SHTN1: variants seen among roughly 807,000 people sequenced by gnomAD.
SHTN1 encodes the protein shootin 1, also known as shootin-1.
In SHTN1, 42 loss-of-function variants were observed where a neutral mutation model predicts 83.1. The ratio of observed to expected loss-of-function variants is 0.51; its 90% CI spans 0.39 to 0.65. The LOEUF (loss-of-function observed/expected upper bound fraction) is 0.65, where lower values mean the gene tolerates loss of function less well. Ranked by LOEUF, SHTN1 falls within the 30% of genes least tolerant of loss-of-function variation. The pLI, the probability that SHTN1 is intolerant of heterozygous loss-of-function variation, is 0.00. For synonymous variants in SHTN1, 224 were observed against 247.7 expected (o/e 0.90, Z 0.90); for missense variants, 622 against 737.8 (o/e 0.84, Z 1.82).
intron 12 of SHTN1, among the ~76,000 whole-genome samples, chr10:116,920,199 T>C (rs567822174): frequency 6.6e-6 from 1 of 151,972 alleles, no homozygotes; most frequent in South Asian, 2.1e-4. Flanking sequence ...GGATGAAGAG[T>C]CTGGAACACA....
At chr10:117,063,614 T>C (rs1852932299) in intron 1 of SHTN1, among the ~76,000 whole-genome samples, 1 of 152,182 alleles carries the variant, frequency 6.6e-6, no homozygotes, top group Non-Finnish European at 1.5e-5. Context: ...CCTATTGCTC[T>C]TGAGAAAAAT....
At chr10:116,964,579 A>G (rs1850322542) in intron 3 of SHTN1, among the ~76,000 whole-genome samples, 1 of 152,226 alleles carries the variant, frequency 6.6e-6, no homozygotes, top group Non-Finnish European at 1.5e-5. Context: ...ACATCACACT[A>G]CTTCAAAAGT....
chr10:116,982,767 T>C (rs939307822), intron 1 of SHTN1, among the ~76,000 whole-genome samples: 2 of 152,100 alleles, frequency 1.3e-5, no homozygotes, highest in African/African-American at 4.8e-5. Flanking sequence ...AAAACCTGCC[T>C]GGCCAACATG....
intron 9 of SHTN1, among the ~76,000 whole-genome samples, chr10:116,937,944 T>C (rs1347861276): frequency 1.3e-5 from 2 of 151,638 alleles, no homozygotes; most frequent in Non-Finnish European, 2.9e-5. Flanking sequence ...TGTCTTCTGC[T>C]TGATCGATTC....
intron 3 of SHTN1, among the ~76,000 whole-genome samples, chr10:116,961,119 TA>T (rs1186344838): frequency 7.3e-4 from 105 of 143,182 alleles, no homozygotes; most frequent in Admixed American, 1.2e-3. Context: ...TTGTTTGGCT[TA>T]AAAAAAAAAA....
chr10:117,012,990 G>A (rs1175928272), intron 2 of SHTN1, among the ~76,000 whole-genome samples: 1 of 152,078 alleles, frequency 6.6e-6, no homozygotes, highest in African/African-American at 2.4e-5. Context: ...AGGCTGAGCT[G>A]GAGGATTTTG....
chr10:116,983,757 T>C lies in SHTN1; in HGVS notation c.59-4449A>G, dbSNP rs566179090. Among the ~76,000 whole-genome samples, 115 of 151,872 alleles carry C rather than the reference T, an allele frequency of 7.6e-4. 2 individuals carry two copies. The South Asian group carries it at 0.022, about 29-fold the overall frequency. On this transcript the variant is annotated intron_variant, in intron 1 of 16. Coordinates refer to ENST00000355371, the MANE Select transcript of SHTN1 (RefSeq NM_001127211.3). ...ACACACACTCACATACACACACACATATATATATTTAGAAGTGAGAGCCCC... is the reference window on the plus strand; with the variant it reads ...ACACACACTCACATACACACACACACATATATATTTAGAAGTGAGAGCCCC...
chr10:116,989,854 C>G (rs907290878), intron 1 of SHTN1, among the ~76,000 whole-genome samples: 4 of 152,148 alleles, frequency 2.6e-5, no homozygotes, highest in Non-Finnish European at 5.9e-5. Flanking sequence ...TTCATTTTGT[C>G]TTTTGTTACA....
chr10:116,976,521 G>A (rs1397664171), intron 2 of SHTN1, among the ~76,000 whole-genome samples: 2 of 152,152 alleles, frequency 1.3e-5, no homozygotes, highest in African/African-American at 4.8e-5. Flanking sequence ...GTCCCTGAAC[G>A]ATTTAACTGC....
At chr10:116,912,943 A>C (rs1564872942) in intron 13 of SHTN1, among the ~76,000 whole-genome samples, 1 of 152,336 alleles carries the variant, frequency 6.6e-6, no homozygotes, top group East Asian at 1.9e-4. Flanking sequence ...CTGCTCATGT[A>C]CAAAGCTGAC....
chr10:117,024,021 A>T (rs1852295512), intron 2 of SHTN1, among the ~76,000 whole-genome samples: 1 of 152,198 alleles, frequency 6.6e-6, no homozygotes, highest in Non-Finnish European at 1.5e-5. Flanking sequence ...ATACCAAACA[A>T]CATCAATGCT....
intron 1 of SHTN1, among the ~76,000 whole-genome samples, chr10:117,103,809 T>C (rs950502110): frequency 6.6e-6 from 1 of 152,196 alleles, no homozygotes; most frequent in Non-Finnish European, 1.5e-5. Context: ...GTGCTGGGAT[T>C]ACAGGTGTGA....
At position 116,994,802 on chromosome 10, in the gene SHTN1, C is replaced by A. The variant is rs1018982405; in HGVS notation, c.58+10220G>T. Among the ~76,000 whole-genome samples, 9 of 152,060 alleles carry A rather than the reference C, an allele frequency of 5.9e-5. No individual in the cohort carries two copies. In the East Asian group the frequency reaches 1.7e-3, roughly 29 times the overall value. ...CCCAAAATCAAATTGTAAATGATGT[C>A]TTTTTTACCTTAAACTAACTTTAGG... is the stretch of plus-strand genomic sequence containing the variant. On this transcript the variant is annotated intron_variant, in intron 1 of 16. Transcript: ENST00000355371.
chr10:116,897,635 T>C (rs1414173693), intron 16 of SHTN1, among the ~76,000 whole-genome samples: 1 of 152,220 alleles, frequency 6.6e-6, no homozygotes, highest in East Asian at 1.9e-4. Context: ...AGGAATTTAT[T>C]AAAATGCTTT....
At chr10:116,889,477 GT>G (rs1228910530) in intron 16 of SHTN1, among the ~76,000 whole-genome samples, 1 of 152,152 alleles carries the variant, frequency 6.6e-6, no homozygotes, top group Non-Finnish European at 1.5e-5. Context: ...AGAGTGACTG[GT>G]TTCTCAAGGA....
intron 2 of SHTN1, among the ~76,000 whole-genome samples, chr10:117,043,216 C>A (rs1224002907): frequency 6.6e-6 from 1 of 151,966 alleles, no homozygotes; most frequent in Non-Finnish European, 1.5e-5. Flanking sequence ...TCACTTCAAC[C>A]TCCGCCTCCC....
At chr10:116,923,559 C>G (rs1848636449) in intron 11 of SHTN1, among the ~76,000 whole-genome samples, 1 of 149,604 alleles carries the variant, frequency 6.7e-6, no homozygotes, top group East Asian at 1.9e-4. Flanking sequence ...TCCTTTCTTT[C>G]CTTTTTTTTT....
At chr10:116,936,359 G>T (rs992278246) in intron 9 of SHTN1, among the ~76,000 whole-genome samples, 3 of 152,078 alleles carry the variant, frequency 2.0e-5, no homozygotes, top group African/African-American at 7.2e-5. Flanking sequence ...AAAGATTCTG[G>T]TATGTTGTAT....
At chr10:116,992,220 C>T (rs1344047194) in intron 1 of SHTN1, among the ~76,000 whole-genome samples, 1 of 152,122 alleles carries the variant, frequency 6.6e-6, no homozygotes, top group African/African-American at 2.4e-5. Context: ...GAAAGGGAAA[C>T]CTTTTTATTT....
Sources: gnomAD v4.1 joint callset for allele counts (sites outside exome capture counted in the v4.1 genomes callset) on GRCh38, gnomAD v4.1.1 for gene constraint, MANE v1.5 for transcripts, NCBI Gene and HGNC (gene_info 2026-07-23, HGNC 2026-07-21) for gene names.